The following SCRT1 variants were observed in gnomAD, a reference collection of about 807,000 sequenced individuals.
SCRT1 encodes scratch family transcriptional repressor 1.
SCRT1 carries 1 observed loss-of-function variant against 3.4 expected under a neutral mutation model. The observed-to-expected ratio is 0.29, with a 90% CI of 0.10 to 1.39. The LOEUF (loss-of-function observed/expected upper bound fraction) is 1.39, where lower values mean the gene tolerates loss of function less well. Ranked by LOEUF, SCRT1 falls within the 40% of genes most tolerant of loss-of-function variation. The probability of loss-of-function intolerance (pLI) is 0.42; values close to 1 mark genes in which losing one functional copy is unlikely to be tolerated. For synonymous variants in SCRT1, 238 were observed against 247.0 expected (o/e 0.96, Z 0.34); for missense variants, 380 against 526.3 (o/e 0.72, Z 2.72).
At position 144,332,420 on chromosome 8, in the gene SCRT1, G is replaced by A. The variant is rs1186290412; in HGVS notation, c.*765C>T. The stretch of plus-strand genomic sequence containing the variant: ...CGGGGGTGGGGGGTGGGGGCCCGGG[G>A]CAGGGCGGAAGCGGGGTCTGAGGAG... On this transcript the variant is annotated 3_prime_UTR_variant, in exon 2 of 2. Coordinates refer to ENST00000569446, the MANE Select transcript of SCRT1 (RefSeq NM_031309.6). 7 of 146,586 alleles carry A rather than the reference G, an allele frequency of 4.8e-5. No individual in the cohort carries two copies. The highest frequency in any genetic ancestry group is 1.1e-4 in the Non-Finnish European group (7 of 66,036). The allele number at this position is 146,586 out of a possible 1,614,324, so 9.1% of individuals were successfully genotyped here.
rs371963155 is a variant in SCRT1 at position 144,336,093 on chromosome 8, C to T, written c.77G>A (p.Arg26His). 1 of 1,609,454 alleles carries T rather than the reference C, an allele frequency of 6.2e-7. No homozygotes were observed. The highest frequency in any genetic ancestry group is 1.3e-5 in the African/African-American group (1 of 74,742). ...TGGCGCGCCGAGGTCGCTGCGGGCG[C>T]GTCCGTAGGCGCTCTCCAGGTCGGC... ...SSADLESAYG[R>H]ARSDLGAPLH... Residue 26 changes from arginine to histidine, a missense_variant, in exon 1 of 2, where the codon CGC becomes CAC. Arg to His is a conservative substitution (Grantham distance 29). Transcript: ENST00000569446. This position sits in a 1 kb window ranked among gnomAD's most constrained non-coding sequence, Gnocchi z 6.8.
chr8:144,333,557 C>T lies in SCRT1; in HGVS notation c.675G>A (p.Pro225=), dbSNP rs2130570890. 1 of 1,608,848 alleles carries T rather than the reference C, an allele frequency of 6.2e-7. No homozygotes were observed. The highest frequency in any genetic ancestry group is 8.5e-7 in the Non-Finnish European group (1 of 1,178,728). The stretch of plus-strand genomic sequence containing the variant: ...TGGACACGTACACCTTGCCGCACGT[C>T]GGGCAGCGCCGCGCCAGCTGGCTGT... ...SLDSQLARRC[P]TCGKVYVSMP... is the part of the protein sequence containing the mutation. Residue 225 remains proline (P), a synonymous_variant, in exon 2 of 2, where the codon CCG becomes CCA. Coordinates refer to ENST00000569446, the MANE Select transcript of SCRT1 (RefSeq NM_031309.6).
At position 144,334,030 on chromosome 8, in the gene SCRT1, TG is replaced by T; in HGVS notation, c.201del (p.Met68CysfsTer139). 6.6e-7 allele frequency: 1 copy of T among 1,523,564 alleles called. No individual in the cohort carries two copies. The allele number at this position is 1,523,564 out of a possible 1,614,324, so 94.4% of individuals were successfully genotyped here. ...TCTCCACGCACAGCTGCTGCGTACATGGGCTCCGGCGACGGCCCTTTGAGCA... is the reference window on the plus strand; with the variant it reads ...TCTCCACGCACAGCTGCTGCGTACATGGCTCCGGCGACGGCCCTTTGAGCA... ...AALLKGPSPE[P>X]MYAAAVRGEL... On this transcript the variant is annotated frameshift_variant, in exon 2 of 2. Transcript: ENST00000569446. LOFTEE classifies it low-confidence loss of function (END_TRUNC).
rs1309089513 is a variant in SCRT1 at position 144,332,123 on chromosome 8, G to A, written c.*1062C>T. On this transcript the variant is annotated 3_prime_UTR_variant, in exon 2 of 2. Transcript: ENST00000569446. ...GCCTGAGGCTCCCTAGAGGCTCCCAGCTAGGGGCGGGCCTCGGGGCGTGGA... is the reference window on the plus strand; with the variant it reads ...GCCTGAGGCTCCCTAGAGGCTCCCAACTAGGGGCGGGCCTCGGGGCGTGGA... 1 of 151,946 alleles carries A rather than the reference G, an allele frequency of 6.6e-6. No individual in the cohort carries two copies. The highest frequency in any genetic ancestry group is 1.5e-5 in the Non-Finnish European group (1 of 67,928). 9.4% of individuals were successfully genotyped at this position (151,946 alleles called of 1,614,324 possible). A position where few individuals can be genotyped will look rare whatever the true frequency, so the allele number is the denominator to read the frequency against.
Position 144,336,407 on chromosome 8 carries a change from T to G in SCRT1, c.-238A>C. On this transcript the variant is annotated 5_prime_UTR_variant, in exon 1 of 2. Transcript: ENST00000569446. The surrounding 1 kb of genome is among the most constrained non-coding windows in gnomAD (Gnocchi z 6.8). ...AATCCTTCCTTCCTTCCTTCAATCC[T>G]TCCTTCCTTCTCTCCTCTTCTCTCC... 1 of 425,008 alleles carries G rather than the reference T, an allele frequency of 2.4e-6. No individual in the cohort carries two copies. 26.3% of individuals were successfully genotyped at this position (425,008 alleles called of 1,614,324 possible). A position where few individuals can be genotyped will look rare whatever the true frequency, so the allele number is the denominator to read the frequency against.
rs547269570 is a variant in SCRT1 at position 144,335,044 on chromosome 8, A to G, written c.116-928T>C. On this transcript the variant is annotated intron_variant, in intron 1 of 1. Transcript: ENST00000569446. This position sits in a 1 kb window ranked among gnomAD's most constrained non-coding sequence, Gnocchi z 7.7. ...GGATCTCATAACCTCAAAGTCACAA[A>G]TGCACGCCCCTCGCGACGCTCTGCC... is the stretch of plus-strand genomic sequence containing the variant. Among the ~76,000 whole-genome samples, 21 of 152,182 alleles carry G rather than the reference A, an allele frequency of 1.4e-4. No homozygotes were observed. The highest frequency in any genetic ancestry group is 4.8e-4 in the African/African-American group (20 of 41,510).
Position 144,333,669 on chromosome 8 carries a change from CCAGCACCTGCGG to C in SCRT1, c.551_562del (p.Ala184_Ala187del), listed in dbSNP as rs1817835027. On this transcript the variant is annotated inframe_deletion, in exon 2 of 2. Coordinates refer to ENST00000569446, the MANE Select transcript of SCRT1 (RefSeq NM_031309.6). ...GCACTCGCCGCACGCGTGCCGGCCGCCAGCACCTGCGGCCCCTGGCCCCGCGCGCGCCTCGGT... is the reference window on the plus strand; with the variant it reads ...GCACTCGCCGCACGCGTGCCGGCCGCCCCCTGGCCCCGCGCGCGCCTCGGT... 4 of 1,519,446 alleles carry C rather than the reference CCAGCACCTGCGG, an allele frequency of 2.6e-6. No individual in the cohort carries two copies. The South Asian group carries it at 3.8e-5, about 14-fold the overall frequency. 94.1% of individuals were successfully genotyped at this position (1,519,446 alleles called of 1,614,324 possible).
In SCRT1 at chr8:144,336,130, C is replaced by T. The variant is rs1554850264; in HGVS notation, c.40G>A (p.Ala14Thr). 3 of 1,610,412 alleles carry T rather than the reference C, an allele frequency of 1.9e-6. No homozygotes were observed. The highest frequency in any genetic ancestry group is 2.5e-6 in the Non-Finnish European group (3 of 1,178,758). Residue 14 changes from alanine (A) to threonine (T), a missense_variant, in exon 1 of 2, where the codon GCG becomes ACG. This residue lies in a region of SCRT1 where 125 missense variants were observed against 132.7 expected (regional missense o/e 0.94). Transcript: ENST00000569446. This position sits in a 1 kb window ranked among gnomAD's most constrained non-coding sequence, Gnocchi z 6.8. ...SFLVKKVKLD[A>T]FSSADLESAY... The stretch of plus-strand genomic sequence containing the variant: ...CTCTCCAGGTCGGCCGAAGAGAACG[C>T]GTCAAGTTTGACCTTCTTGACCAGG...
At position 144,333,964 on chromosome 8, in the gene SCRT1, G is replaced by C; in HGVS notation, c.268C>G (p.Pro90Ala). ...AAAGSAPPPT[P>A]RPELATAAGG... ...GCAGCGGTGGCCAGCTCCGGGCGCG[G>C]GGTGGGCGGCGGCGCAGACCCTGCA... Residue 90 changes from proline (P) to alanine (A), a missense_variant, in exon 2 of 2, where the codon CCG becomes GCG. Pro to Ala is a conservative substitution (Grantham distance 27). Transcript: ENST00000569446. 1 of 1,360,462 alleles carries C rather than the reference G, an allele frequency of 7.4e-7. No homozygotes were observed. The highest frequency in any genetic ancestry group is 9.4e-7 in the Non-Finnish European group (1 of 1,058,982). 84.3% of individuals were successfully genotyped at this position (1,360,462 alleles called of 1,614,324 possible).
rs1282974550 is a variant in SCRT1 at position 144,335,317 on chromosome 8, C to G, written c.115+738G>C. Reference sequence around the variant, plus strand: ...ACACAAGCGCACACGGTCACATGGCCACACACAGTCACATGGACCCACACA... The same window carrying G: ...ACACAAGCGCACACGGTCACATGGCGACACACAGTCACATGGACCCACACA... On this transcript the variant is annotated intron_variant, in intron 1 of 1. Transcript: ENST00000569446. This position sits in a 1 kb window ranked among gnomAD's most constrained non-coding sequence, Gnocchi z 7.7. Among the ~76,000 whole-genome samples, 2 of 152,032 alleles carry G rather than the reference C, an allele frequency of 1.3e-5. No individual in the cohort carries two copies. The highest frequency in any genetic ancestry group is 2.4e-5 in the African/African-American group (1 of 41,434).
rs782194540 is a variant in SCRT1, at chr8:144,336,011, G to A, written c.115+44C>T. ...ACACTCTGGCCCTCCACCGCTTCCA[G>A]CAAAGCCCCAGGCCCCGCGCCCTGG... On this transcript the variant is annotated intron_variant, in intron 1 of 1. Coordinates refer to ENST00000569446, the MANE Select transcript of SCRT1 (RefSeq NM_031309.6). The surrounding 1 kb of genome is among the most constrained non-coding windows in gnomAD (Gnocchi z 6.8). The A allele has an allele frequency of 7.2e-7, 1 of 1,385,732 alleles. No homozygotes were observed. The highest frequency in any genetic ancestry group is 9.8e-7 in the Non-Finnish European group (1 of 1,024,648). The allele number at this position is 1,385,732 out of a possible 1,614,324, so 85.8% of individuals were successfully genotyped here. A position where few individuals can be genotyped will look rare whatever the true frequency, so the allele number is the denominator to read the frequency against.
rs1817762119 is a variant in SCRT1, at chr8:144,331,775, G to GT, written c.*1409dup. On this transcript the variant is annotated 3_prime_UTR_variant, in exon 2 of 2. Coordinates refer to ENST00000569446, the MANE Select transcript of SCRT1 (RefSeq NM_031309.6). ...CCTGATCTAGGGGCCTATGGGGTGG[G>GT]TAGGGCGAGGGGATACCTGATTCTC... The GT allele has an allele frequency of 6.6e-6, 1 of 152,528 alleles. No homozygotes were observed. Among genetic ancestry groups the GT allele is most frequent in the Admixed American group, 6.5e-5 (1 of 15,290 alleles). 9.4% of individuals were successfully genotyped at this position (152,528 alleles called of 1,614,324 possible). A position where few individuals can be genotyped will look rare whatever the true frequency, so the allele number is the denominator to read the frequency against.
Position 144,336,012 on chromosome 8 carries a change from C to G in SCRT1, c.115+43G>C, listed in dbSNP as rs782342498. 1 of 1,402,938 alleles carries G rather than the reference C, an allele frequency of 7.1e-7. No individual in the cohort carries two copies. The highest frequency in any genetic ancestry group is 9.6e-7 in the Non-Finnish European group (1 of 1,037,770). The allele number at this position is 1,402,938 out of a possible 1,614,324, so 86.9% of individuals were successfully genotyped here. A position where few individuals can be genotyped will look rare whatever the true frequency, so the allele number is the denominator to read the frequency against. ...CACTCTGGCCCTCCACCGCTTCCAGCAAAGCCCCAGGCCCCGCGCCCTGGT... is the reference window on the plus strand; with the variant it reads ...CACTCTGGCCCTCCACCGCTTCCAGGAAAGCCCCAGGCCCCGCGCCCTGGT... On this transcript the variant is annotated intron_variant, in intron 1 of 1. Transcript: ENST00000569446. The surrounding 1 kb of genome is among the most constrained non-coding windows in gnomAD (Gnocchi z 6.8).
chr8:144,333,446 C>A lies in SCRT1; in HGVS notation c.786G>T (p.Leu262=), dbSNP rs376037273. The A allele has an allele frequency of 5.6e-6, 9 of 1,601,386 alleles. No individual in the cohort carries two copies. The highest frequency in any genetic ancestry group is 7.7e-6 in the Non-Finnish European group (9 of 1,176,374). Residue 262 remains leucine (L), a synonymous_variant, in exon 2 of 2, where the codon CTG becomes CTT. Transcript: ENST00000569446. ...TGTGCGAGCGCATGTGGCCCTGCAG[C>A]AGCCAGGGCCGCGAGAAGGCTTTGC... is the stretch of plus-strand genomic sequence containing the variant. ...VCGKAFSRPW[L]LQGHMRSHTG...
rs551602138 is a variant in SCRT1, at chr8:144,336,218, G to C, written c.-49C>G. 1 of 1,388,068 alleles carries C rather than the reference G, an allele frequency of 7.2e-7. No individual in the cohort carries two copies. Among genetic ancestry groups the C allele is most frequent in the Admixed American group, 2.3e-5 (1 of 42,668 alleles). The allele number at this position is 1,388,068 out of a possible 1,614,324, so 86.0% of individuals were successfully genotyped here. ...GTGGGCCTGCGGAGCCGGGGCTTGG[G>C]GGGGCTGCGGCGGCAGGGCCCCGTC... On this transcript the variant is annotated 5_prime_UTR_variant, in exon 1 of 2. Transcript: ENST00000569446. The surrounding 1 kb of genome is among the most constrained non-coding windows in gnomAD (Gnocchi z 6.8).
intron 1 of SCRT1, 55 bp from the exon 2 acceptor site, chr8:144,334,171 A>T (rs552851595): frequency 2.0e-4 from 59 of 297,492 alleles, no homozygotes; most frequent in Middle Eastern, 1.1e-3. Context: ...GGCAGGACAC[A>T]CACGGGGGAT....
chr8:144,334,070 G>A lies in SCRT1; in HGVS notation c.162C>T (p.Asp54=). 2 of 1,537,138 alleles carry A rather than the reference G, an allele frequency of 1.3e-6. No individual in the cohort carries two copies. The highest frequency in any genetic ancestry group is 1.7e-6 in the Non-Finnish European group (2 of 1,144,596). The part of the protein sequence containing the change: ...YVGPSSVYDG[D]AEAALLKGPS... Reference sequence around the variant, plus strand: ...GCCCTTTGAGCAGCGCAGCCTCGGCGTCGCCATCGTAGACGGACGAGGGCC... The same window carrying A: ...GCCCTTTGAGCAGCGCAGCCTCGGCATCGCCATCGTAGACGGACGAGGGCC... The change falls in exon 2 of 2, where the codon GAC becomes GAT. Residue 54 remains aspartate, a synonymous_variant. Coordinates refer to ENST00000569446, the MANE Select transcript of SCRT1 (RefSeq NM_031309.6).
rs1817805172 is a variant in SCRT1 at position 144,332,850 on chromosome 8, A to G, written c.*335T>C. 1 of 252,028 alleles carries G rather than the reference A, an allele frequency of 4.0e-6. No homozygotes were observed. Among genetic ancestry groups the G allele is most frequent in the East Asian group, 7.4e-5 (1 of 13,474 alleles). The allele number at this position is 252,028 out of a possible 1,614,324, so 15.6% of individuals were successfully genotyped here. A position where few individuals can be genotyped will look rare whatever the true frequency, so the allele number is the denominator to read the frequency against. ...CCAGGGGCGCAGAGGCGGGAGAAGG[A>G]GGGCGCTCCCTACCTCACCTCACCC... is the stretch of plus-strand genomic sequence containing the variant. On this transcript the variant is annotated 3_prime_UTR_variant, in exon 2 of 2. Coordinates refer to ENST00000569446, the MANE Select transcript of SCRT1 (RefSeq NM_031309.6).
In SCRT1 at chr8:144,335,909, G is replaced by A. The variant is rs1325047928; in HGVS notation, c.115+146C>T. On this transcript the variant is annotated intron_variant, in intron 1 of 1. Coordinates refer to ENST00000569446, the MANE Select transcript of SCRT1 (RefSeq NM_031309.6). This position sits in a 1 kb window ranked among gnomAD's most constrained non-coding sequence, Gnocchi z 7.7. ...TGTGTTCCCCTTCCTCCCCTCTACC[G>A]TCCAGGCTCCAGCCACAGACTCTTG... is the stretch of plus-strand genomic sequence containing the variant. 2.2e-5 allele frequency: 13 copies of A among 588,212 alleles called. No individual in the cohort carries two copies. Among genetic ancestry groups the A allele is most frequent in the Non-Finnish European group, 3.5e-5 (12 of 342,652 alleles). The allele number at this position is 588,212 out of a possible 1,614,324, so 36.4% of individuals were successfully genotyped here.
Sources: allele counts gnomAD v4.1 joint callset (sites outside exome capture counted in the v4.1 genomes callset), GRCh38; gene constraint gnomAD v4.1.1; regional missense constraint gnomAD v4.1.1; non-coding constraint Gnocchi (gnomAD v3.1); transcripts MANE v1.5; gene names NCBI Gene and HGNC (gene_info 2026-07-23, HGNC 2026-07-21).